Variants in KCNH7 observed in about 807,000 individuals in gnomAD.
KCNH7 encodes the protein voltage-gated inwardly rectifying potassium channel KCNH7.
KCNH7 carries 49 observed loss-of-function variants against 120.8 expected under a neutral mutation model. That is an observed-to-expected ratio of 0.41 (90% CI 0.32 to 0.51). The LOEUF (loss-of-function observed/expected upper bound fraction) is 0.51, where lower values mean the gene tolerates loss of function less well. KCNH7 is among the 20% of genes least tolerant of loss of function. The pLI, the probability that KCNH7 is intolerant of heterozygous loss-of-function variation, is 0.38. For synonymous variants in KCNH7, 547 were observed against 516.1 expected, an observed-to-expected ratio of 1.06 and a Z score of -0.81; for missense variants, 1,097 against 1,446.6, an observed-to-expected ratio of 0.76 and a Z score of 3.92.
At chr2:162,560,738 G>T (rs1373601546) in intron 2 of KCNH7, among the ~76,000 whole-genome samples, 2 of 152,154 alleles carry the variant, frequency 1.3e-5, no homozygotes, top group Admixed American at 1.3e-4. Context: ...AAACTGATGT[G>T]CTTTCATAAA....
rs775977072 is a variant in KCNH7, at chr2:162,371,889, G to A, written c.3531C>T (p.Ser1177=). ...TATGAAGACCCACGATTCCTACAGT[G>A]CTTAGGGATGAATCTGGCAAAGAAG... ...RHPSLPDSSL[S]TVGIVGLHRH... Residue 1177 remains serine, a synonymous_variant, in exon 16 of 16, where the codon AGC becomes AGT. Coordinates refer to ENST00000332142, the MANE Select transcript of KCNH7 (RefSeq NM_033272.4). 7.4e-6 allele frequency: 12 copies of A among 1,613,574 alleles called. No homozygotes were observed. The South Asian group carries it at 1.3e-4, about 18-fold the overall frequency.
At chr2:162,639,890 T>C (rs1452069350) in intron 2 of KCNH7, among the ~76,000 whole-genome samples, 4 of 152,054 alleles carry the variant, frequency 2.6e-5, no homozygotes, top group African/African-American at 7.2e-5. Context: ...AGGAGACATA[T>C]ACAAAAGCCC....
intron 6 of KCNH7, among the ~76,000 whole-genome samples, chr2:162,495,361 T>C (rs1210007089): frequency 6.6e-6 from 1 of 152,132 alleles, no homozygotes; most frequent in Non-Finnish European, 1.5e-5. Context: ...AGCCCTATGT[T>C]CTGGGGACCT....
intron 2 of KCNH7, among the ~76,000 whole-genome samples, chr2:162,764,904 G>A (rs1430814155): frequency 6.6e-6 from 1 of 152,056 alleles, no homozygotes; most frequent in Non-Finnish European, 1.5e-5. Flanking sequence ...ATTTTGGTTA[G>A]CCAACATAAT....
intron 5 of KCNH7, among the ~76,000 whole-genome samples, chr2:162,510,331 T>C (rs1483844506): frequency 1.3e-5 from 2 of 151,704 alleles, no homozygotes; most frequent in Non-Finnish European, 3.0e-5. Flanking sequence ...TTTACTGTGA[T>C]ATTGCATCAT....
chr2:162,557,904 A>G (rs1180487649), intron 2 of KCNH7, among the ~76,000 whole-genome samples: 1 of 152,214 alleles, frequency 6.6e-6, no homozygotes, highest in African/African-American at 2.4e-5. Flanking sequence ...AGAAATTGCT[A>G]GTGTAATTAT....
chr2:162,791,857 C>A (rs1683958433), intron 2 of KCNH7, among the ~76,000 whole-genome samples: 1 of 151,924 alleles, frequency 6.6e-6, no homozygotes, highest in Non-Finnish European at 1.5e-5. Context: ...TTGTCTTGTG[C>A]CAGTTTTCAG....
chr2:162,445,466 C>A (rs975723489), intron 7 of KCNH7, among the ~76,000 whole-genome samples: 2 of 146,598 alleles, frequency 1.4e-5, no homozygotes, highest in East Asian at 2.3e-4. Flanking sequence ...TCTGGACTCT[C>A]TATCCAGAAA....
chr2:162,537,770 T>C (rs532946064), intron 2 of KCNH7, among the ~76,000 whole-genome samples: 1 of 152,252 alleles, frequency 6.6e-6, no homozygotes, highest in East Asian at 1.9e-4. Context: ...TAGTAAGCTA[T>C]ATTTCATTAG....
At chr2:162,589,227 G>A (rs138968434) in intron 2 of KCNH7, among the ~76,000 whole-genome samples, 66 of 152,204 alleles carry the variant, frequency 4.3e-4, no homozygotes, top group Middle Eastern at 3.4e-3. Context: ...CATAAACCGT[G>A]TGAATCGGGA....
intron 3 of KCNH7, among the ~76,000 whole-genome samples, chr2:162,530,449 C>T (rs575508806): frequency 1.7e-4 from 26 of 151,502 alleles, no homozygotes; most frequent in Admixed American, 4.6e-4. Flanking sequence ...CTCTGAGACA[C>T]GCTAGTGTGC....
At chr2:162,757,998 A>C (rs964163757) in intron 2 of KCNH7, among the ~76,000 whole-genome samples, 1 of 152,184 alleles carries the variant, frequency 6.6e-6, no homozygotes, top group Admixed American at 6.6e-5. Flanking sequence ...TAGTAGGTTT[A>C]TATCAACTCT....
chr2:162,694,366 CAGCTTT>C (rs1281636245), intron 2 of KCNH7, among the ~76,000 whole-genome samples: 1 of 152,112 alleles, frequency 6.6e-6, no homozygotes, highest in African/African-American at 2.4e-5. Flanking sequence ...CCTAACAGCT[CAGCTTT>C]AAATAGTTCT....
intron 2 of KCNH7, among the ~76,000 whole-genome samples, chr2:162,701,868 A>T (rs760195511): frequency 1.3e-5 from 2 of 152,010 alleles, no homozygotes; most frequent in African/African-American, 4.8e-5. Flanking sequence ...TTAGCAGGGC[A>T]TGGTGGTACA....
At chr2:162,597,065 G>C (rs1414026756) in intron 2 of KCNH7, among the ~76,000 whole-genome samples, 1 of 152,036 alleles carries the variant, frequency 6.6e-6, no homozygotes, top group Non-Finnish European at 1.5e-5. Flanking sequence ...GTGAGGATGT[G>C]GACAAAAGTC....
chr2:162,530,464 G>A (rs949334873), intron 3 of KCNH7, among the ~76,000 whole-genome samples: 5 of 149,900 alleles, frequency 3.3e-5, no homozygotes, highest in African/African-American at 1.2e-4. Context: ...GTGTGCGCGA[G>A]CGTGCGCGCA....
chr2:162,765,977 A>G (rs2105461058), intron 2 of KCNH7, among the ~76,000 whole-genome samples: 1 of 152,152 alleles, frequency 6.6e-6, no homozygotes, highest in South Asian at 2.1e-4. Flanking sequence ...GGCTGGTCTC[A>G]AACCCCTAGC....
chr2:162,371,675 A>T lies in KCNH7; in HGVS notation c.*154T>A, dbSNP rs1325007046. 1.2e-6 allele frequency: 1 copy of T among 856,444 alleles called. No individual in the cohort carries two copies. The highest frequency in any genetic ancestry group is 1.7e-6 in the Non-Finnish European group (1 of 582,284). 53.1% of individuals were successfully genotyped at this position (856,444 alleles called of 1,614,324 possible). A position where few individuals can be genotyped will look rare whatever the true frequency, so the allele number is the denominator to read the frequency against. ...ATTTACATCCTAACTGCTCAGTTTT[A>T]CCTTACAAGCTTCAATTTAGGAAAA... On this transcript the variant is annotated 3_prime_UTR_variant, in exon 16 of 16. Transcript: ENST00000332142.
intron 5 of KCNH7, among the ~76,000 whole-genome samples, chr2:162,511,036 T>C (rs1188384345): frequency 6.6e-6 from 1 of 151,760 alleles, no homozygotes; most frequent in Admixed American, 6.6e-5. Flanking sequence ...TTGATGATTC[T>C]ACCATATACT....
Sources: gnomAD v4.1 joint callset for allele counts (sites outside exome capture counted in the v4.1 genomes callset) on GRCh38, gnomAD v4.1.1 for gene constraint, MANE v1.5 for transcripts, NCBI Gene and HGNC (gene_info 2026-07-23, HGNC 2026-07-21) for gene names.